The following DAB1 variants were observed in gnomAD, a reference collection of about 807,000 sequenced individuals.
The protein encoded by DAB1 is DAB adaptor protein 1.
DAB1 carries 15 observed loss-of-function variants against 64.6 expected under a neutral mutation model. The ratio of observed to expected loss-of-function variants is 0.23; its 90% confidence interval spans 0.16 to 0.36. The LOEUF (loss-of-function observed/expected upper bound fraction) is 0.36, where lower values mean the gene tolerates loss of function less well. Among genes scored for constraint, DAB1 ranks in the 10% least tolerant of loss-of-function variants. The pLI is 1.00. For missense variants in DAB1, 596 were observed against 706.7 expected, an observed-to-expected ratio of 0.84 and a Z score of 1.78; for synonymous variants, 235 against 251.9, an observed-to-expected ratio of 0.93 and a Z score of 0.64.
At chr1:57,651,162 A>C (rs755391608) in intron 6 of DAB1, among the ~76,000 whole-genome samples, 1 of 152,166 alleles carries the variant, frequency 6.6e-6, no homozygotes, top group Non-Finnish European at 1.5e-5. Flanking sequence ...AAAACAAAAA[A>C]AAAAAGATCT....
intron 7 of DAB1, among the ~76,000 whole-genome samples, chr1:57,557,460 A>ATG (rs1356408701): frequency 6.6e-6 from 1 of 151,572 alleles, no homozygotes; most frequent in Non-Finnish European, 1.5e-5. Flanking sequence ...ATACATATAT[A>ATG]TGTGTGTGTG....
intron 7 of DAB1, among the ~76,000 whole-genome samples, chr1:57,554,370 G>A (rs1644962890): frequency 6.6e-6 from 1 of 152,232 alleles, no homozygotes; most frequent in East Asian, 1.9e-4. Flanking sequence ...TACGTGTAAA[G>A]TAGGCTACCT....
rs1645526769 is a variant in DAB1, at chr1:58,483,675, CAG to C, written n.257+22383_257+22384del. 2.6e-5 allele frequency among the ~76,000 whole-genome samples: 4 copies of C among 152,088 alleles called. No homozygotes were observed. The South Asian group carries it at 8.3e-4, about 32-fold the overall frequency. On this transcript the variant is annotated intron_variant and non_coding_transcript_variant, in intron 3 of 20. Coordinates refer to the DAB1 transcript ENST00000485760. ...ATAGCACTTACAGCACTTAAGTAAA[CAG>C]AAAGTCAGATCCTCAGCTAAACGGT... is the stretch of plus-strand genomic sequence containing the variant.
At chr1:58,011,043 C>G (rs1160274389) in intron 5 of DAB1, among the ~76,000 whole-genome samples, 1 of 152,170 alleles carries the variant, frequency 6.6e-6, no homozygotes, top group East Asian at 1.9e-4. Flanking sequence ...CATTGAGATC[C>G]TACCCAAATG....
At chr1:57,948,463 G>A (rs185177840) in intron 5 of DAB1, among the ~76,000 whole-genome samples, 36 of 152,258 alleles carry the variant, frequency 2.4e-4, no homozygotes, top group African/African-American at 5.3e-4. Flanking sequence ...TGTTTTTACC[G>A]TTGACATCTA....
chr1:57,303,761 CAA>C (rs1673879463), intron 1 of DAB1, among the ~76,000 whole-genome samples: 1 of 152,128 alleles, frequency 6.6e-6, no homozygotes. Flanking sequence ...AGGGAGCAAA[CAA>C]AATCCTGTGC....
intron 1 of DAB1, among the ~76,000 whole-genome samples, chr1:57,879,901 G>A (rs1036915272): frequency 3.3e-5 from 5 of 152,280 alleles, no homozygotes; most frequent in South Asian, 4.1e-4. Context: ...CTTCTGAACA[G>A]AGGCTGTTGC....
At chr1:57,861,888 A>T (rs928109359) in intron 1 of DAB1, among the ~76,000 whole-genome samples, 4 of 151,934 alleles carry the variant, frequency 2.6e-5, no homozygotes, top group Non-Finnish European at 5.9e-5. Flanking sequence ...AATAGGAGAG[A>T]CATGAGAAGT....
chr1:58,291,011 G>A (rs1038951489), intron 4 of DAB1, among the ~76,000 whole-genome samples: 2 of 152,182 alleles, frequency 1.3e-5, no homozygotes, highest in Non-Finnish European at 2.9e-5. Context: ...CATGAGAGGA[G>A]AGAGAAAGAG....
At chr1:57,249,849 C>T (rs1553160806) in intron 2 of DAB1, among the ~76,000 whole-genome samples, 1 of 152,226 alleles carries the variant, frequency 6.6e-6, no homozygotes, top group Non-Finnish European at 1.5e-5. Flanking sequence ...GATATTTCCT[C>T]TTCTATTATG....
intron 3 of DAB1, among the ~76,000 whole-genome samples, chr1:58,505,143 GGTT>G (rs1645967423): frequency 1.3e-5 from 2 of 152,046 alleles, no homozygotes; most frequent in Non-Finnish European, 2.9e-5. Context: ...GTAGAGACAG[GGTT>G]TCACCCCGTT....
intron 2 of DAB1, among the ~76,000 whole-genome samples, chr1:57,192,135 G>T (rs1664185594): frequency 6.6e-6 from 1 of 151,978 alleles, no homozygotes; most frequent in South Asian, 2.1e-4. Flanking sequence ...TTGCCAACAT[G>T]GTAAAACTCT....
intron 2 of DAB1, among the ~76,000 whole-genome samples, chr1:57,230,500 C>T (rs1209315448): frequency 6.6e-6 from 1 of 152,194 alleles, no homozygotes; most frequent in African/African-American, 2.4e-5. Context: ...TTTGGATTTG[C>T]TGTTAACAAA....
At chr1:57,231,648 A>G (rs1241028065) in intron 2 of DAB1, among the ~76,000 whole-genome samples, 1 of 152,232 alleles carries the variant, frequency 6.6e-6, no homozygotes, top group Non-Finnish European at 1.5e-5. Context: ...CTGCATATTA[A>G]AGATGGAGAA....
At chr1:57,053,688 ATTT>A (rs61374333) in intron 9 of DAB1, among the ~76,000 whole-genome samples, 2 of 71,400 alleles carry the variant, frequency 2.8e-5, no homozygotes, top group Admixed American at 2.3e-4. Flanking sequence ...ATATATATAT[ATTT>A]TTTTTTTTTT....
chr1:58,354,680 G>T (rs1201230253), intron 3 of DAB1, among the ~76,000 whole-genome samples: 1 of 152,156 alleles, frequency 6.6e-6, no homozygotes. Context: ...AGAGGGAGGA[G>T]GGGAAGTCTG....
chr1:57,991,273 A>G (rs1395370050), intron 5 of DAB1, among the ~76,000 whole-genome samples: 1 of 152,170 alleles, frequency 6.6e-6, no homozygotes, highest in African/African-American at 2.4e-5. Context: ...TAAAATACTG[A>G]CAATCAGTAA....
At chr1:57,823,131 C>T (rs183310367), downstream of DAB1, among the ~76,000 whole-genome samples, 186 of 151,828 alleles carry the variant, frequency 1.2e-3, 4 homozygotes, top group South Asian at 0.016. Flanking sequence ...ATTACAGGCA[C>T]GTGCCTTCAC....
intron 7 of DAB1, among the ~76,000 whole-genome samples, chr1:57,585,928 C>T (rs573768639): frequency 6.6e-6 from 1 of 152,262 alleles, no homozygotes; most frequent in African/African-American, 2.4e-5. Flanking sequence ...GCTGTGGAGC[C>T]TTGAGCAAGT....
Sources: gnomAD v4.1 joint callset for allele counts (sites outside exome capture counted in the v4.1 genomes callset) on GRCh38, gnomAD v4.1.1 for gene constraint, MANE v1.5 for transcripts, NCBI Gene and HGNC (gene_info 2026-07-23, HGNC 2026-07-21) for gene names.